The following ZNF343 variants were observed in gnomAD, a reference collection of about 807,000 sequenced individuals.
ZNF343 encodes zinc finger protein 343.
A neutral mutation model predicts 13.8 loss-of-function variants in ZNF343; 11 were observed. The ratio of observed to expected loss-of-function variants is 0.80; its 90% CI spans 0.50 to 1.32. The LOEUF (loss-of-function observed/expected upper bound fraction) is 1.32, where lower values mean the gene tolerates loss of function less well. Ranked by LOEUF, ZNF343 falls within the 40% of genes most tolerant of loss-of-function variation. The pLI is 0.00. For synonymous variants in ZNF343, 248 were observed against 260.0 expected (o/e 0.95, Z 0.44); for missense variants, 658 against 714.2 (o/e 0.92, Z 0.90).
At chr20:2,485,596 C>G (rs925139912) in intron 5 of ZNF343, among the ~76,000 whole-genome samples, 2 of 152,234 alleles carry the variant, frequency 1.3e-5, no homozygotes, top group Non-Finnish European at 1.5e-5. Flanking sequence ...CATCATGAAA[C>G]TGCTCCCTAA....
At chr20:2,522,424 C>A (rs1412976848) in intron 1 of ZNF343, among the ~76,000 whole-genome samples, 1 of 152,146 alleles carries the variant, frequency 6.6e-6, no homozygotes, top group African/African-American at 2.4e-5. Context: ...TTTGGAGTTA[C>A]CTTAGACGTG....
chr20:2,509,259 C>T (rs2085721481), upstream of ZNF343: 2 of 152,224 alleles, frequency 1.3e-5, no homozygotes, highest in African/African-American at 4.8e-5. Flanking sequence ...GTGTTGGGTA[C>T]AGAGTTTACT....
intron 5 of ZNF343, among the ~76,000 whole-genome samples, chr20:2,492,438 C>CT (rs2085380695): frequency 6.6e-6 from 1 of 152,216 alleles, no homozygotes; most frequent in African/African-American, 2.4e-5. Flanking sequence ...CCCAATACCC[C>CT]TTTATCCTGC....
chr20:2,495,016 C>A (rs903704966), intron 2 of ZNF343, among the ~76,000 whole-genome samples: 1 of 152,196 alleles, frequency 6.6e-6, no homozygotes, highest in African/African-American at 2.4e-5. Context: ...GTATTAGGAG[C>A]TATGCCACCT....
chr20:2,524,392 C>T (rs2085795605), intron 1 of ZNF343: 4 of 152,258 alleles, frequency 2.6e-5, no homozygotes, highest in Admixed American at 2.6e-4. Context: ...TGGCAGAGAA[C>T]GTGTGATTTT....
chr20:2,485,805 C>A (rs915376281), intron 5 of ZNF343, among the ~76,000 whole-genome samples: 1 of 152,170 alleles, frequency 6.6e-6, no homozygotes, highest in Admixed American at 6.5e-5. Context: ...TGCTGGACTG[C>A]CAGAGGAACA....
chr20:2,490,013 A>C (rs2085341843), intron 5 of ZNF343, among the ~76,000 whole-genome samples: 1 of 152,076 alleles, frequency 6.6e-6, no homozygotes, highest in African/African-American at 2.4e-5. Flanking sequence ...GTAAAATAAA[A>C]GAAGGAAAGA....
chr20:2,507,615 C>T (rs2085684828), intron 1 of ZNF343, among the ~76,000 whole-genome samples: 1 of 152,136 alleles, frequency 6.6e-6, no homozygotes, highest in Non-Finnish European at 1.5e-5. Context: ...AGCTGTGGAG[C>T]GCCACACGCT....
At chr20:2,488,639 C>T (rs953284968) in intron 5 of ZNF343, among the ~76,000 whole-genome samples, 2 of 151,936 alleles carry the variant, frequency 1.3e-5, no homozygotes, top group East Asian at 3.9e-4. Context: ...CCTATTTTTC[C>T]ACCTTTATTT....
At position 2,494,047 on chromosome 20, in the gene ZNF343, G is replaced by A. The variant is rs1600053377; in HGVS notation, c.-149-3C>T. 1.7e-5 allele frequency: 11 copies of A among 641,146 alleles called. No individual in the cohort carries two copies. The East Asian group carries it at 2.4e-4, about 14-fold the overall frequency. The allele number at this position is 641,146 out of a possible 1,614,324, so 39.7% of individuals were successfully genotyped here. On this transcript the variant is annotated splice_polypyrimidine_tract_variant and splice_region_variant and intron_variant, in intron 2 of 5. Coordinates refer to ENST00000278772, the MANE Select transcript of ZNF343 (RefSeq NM_024325.6). ...GCTTGTTTCCCTGCAGCCAGGACCT[G>A]TGGGATGAAGAAGCAATTTGCTATT...
rs1051743899 is a variant in ZNF343 at position 2,518,296 on chromosome 20, C to T, written c.-347+6159G>A. 4.6e-5 allele frequency among the ~76,000 whole-genome samples: 7 copies of T among 152,114 alleles called. No individual in the cohort carries two copies. Among genetic ancestry groups the T allele is most frequent in the Non-Finnish European group, 8.8e-5 (6 of 68,020 alleles). Reference sequence around the variant, plus strand: ...CCTCCCAGAGTGTTAGAATTACAGGCGTGAGCCACCGCGCCCAGCCTCAAA... The same window carrying T: ...CCTCCCAGAGTGTTAGAATTACAGGTGTGAGCCACCGCGCCCAGCCTCAAA... On this transcript the variant is annotated intron_variant, in intron 1 of 6. Coordinates refer to the ZNF343 transcript ENST00000358413. This position sits in a 1 kb window ranked among gnomAD's most constrained non-coding sequence, Gnocchi z 4.6.
At chr20:2,500,847 A>G (rs1480091874) in intron 1 of ZNF343, 105 bp from the exon 2 acceptor site, 1 of 152,306 alleles carries the variant, frequency 6.6e-6, no homozygotes, top group African/African-American at 2.4e-5. Context: ...AGATGGCCGA[A>G]TAGGAACAGC....
At position 2,483,033 on chromosome 20, in the gene ZNF343, A is replaced by G. The variant is rs1384778696; in HGVS notation, c.*128T>C. On this transcript the variant is annotated 3_prime_UTR_variant, in exon 6 of 6. Transcript: ENST00000278772. ...TCCCATGCCTGATAAGGGCTGACAC[A>G]TCTCTGGAACTTCACTCACAATCTG... is the stretch of plus-strand genomic sequence containing the variant. The G allele has an allele frequency of 4.3e-6, 5 of 1,156,580 alleles. No homozygotes were observed. The highest frequency in any genetic ancestry group is 6.0e-6 in the Non-Finnish European group (5 of 829,644). The allele number at this position is 1,156,580 out of a possible 1,614,324, so 71.6% of individuals were successfully genotyped here. A position where few individuals can be genotyped will look rare whatever the true frequency, so the allele number is the denominator to read the frequency against.
rs759330363 is a variant in ZNF343 at position 2,483,505 on chromosome 20, T to A, written c.1456A>T (p.Thr486Ser). ...ACATAATGCTTCTCCCCTGAGTGTGTCCTCTGGTGGACAAGGAGGAGTGAT... is the reference window on the plus strand; with the variant it reads ...ACATAATGCTTCTCCCCTGAGTGTGACCTCTGGTGGACAAGGAGGAGTGAT... ...RKSLLLVHQRTHSGEKHYVCR... is the reference protein window; with the variant it reads ...RKSLLLVHQRSHSGEKHYVCR... Residue 486 changes from threonine to serine, a missense_variant, in exon 6 of 6, where the codon ACA becomes TCA. Physicochemically the swap from Thr to Ser is moderately conservative, Grantham distance 58. Coordinates refer to ENST00000278772, the MANE Select transcript of ZNF343 (RefSeq NM_024325.6). 4 of 1,612,630 alleles carry A rather than the reference T, an allele frequency of 2.5e-6. No individual in the cohort carries two copies. The South Asian group carries it at 4.4e-5, about 18-fold the overall frequency.
At chr20:2,523,357 A>G (rs1197331045) in intron 1 of ZNF343, among the ~76,000 whole-genome samples, 1 of 152,196 alleles carries the variant, frequency 6.6e-6, no homozygotes, top group African/African-American at 2.4e-5. Flanking sequence ...CCGGCAGCCC[A>G]TGCCACTGCT....
Position 2,484,169 on chromosome 20 carries a change from T to C in ZNF343, c.792A>G (p.Leu264=). 6.2e-7 allele frequency: 1 copy of C among 1,614,240 alleles called. No individual in the cohort carries two copies. Among genetic ancestry groups the C allele is most frequent in the East Asian group, 2.2e-5 (1 of 44,892 alleles). Residue 264 remains leucine, a synonymous_variant, in exon 6 of 6, where the codon TTA becomes TTG. Coordinates refer to ENST00000278772, the MANE Select transcript of ZNF343 (RefSeq NM_024325.6). The stretch of plus-strand genomic sequence containing the variant: ...CACTGCAAATGTAGGGCTTCTTCCC[T>C]AAGAGGGTCCTCGGGTTTGTAATAA... ...SNFITNPRTL[L]GKKPYICSDC...
chr20:2,523,240 G>C (rs189184033), intron 1 of ZNF343, among the ~76,000 whole-genome samples: 1 of 152,198 alleles, frequency 6.6e-6, no homozygotes, highest in African/African-American at 2.4e-5. Context: ...CTAAAAAGGG[G>C]AGGAACCCTC....
intron 5 of ZNF343, among the ~76,000 whole-genome samples, chr20:2,490,497 G>A (rs145148491): frequency 5.3e-5 from 8 of 150,526 alleles, no homozygotes; most frequent in Admixed American, 3.3e-4. Flanking sequence ...TTGTGTGTGT[G>A]TTTGTTTGTT....
Position 2,483,483 on chromosome 20 carries a change from T to C in ZNF343, c.1478A>G (p.Tyr493Cys), listed in dbSNP as rs202187950. 5.6e-6 allele frequency: 9 copies of C among 1,611,736 alleles called. No individual in the cohort carries two copies. The highest frequency in any genetic ancestry group is 6.8e-6 in the Non-Finnish European group (8 of 1,179,348). The part of the protein sequence containing the change: ...HQRTHSGEKH[Y>C]VCRECRRGFS... The stretch of plus-strand genomic sequence containing the variant: ...ACCTCGCCTACACTCCCTGCAGACA[T>C]AATGCTTCTCCCCTGAGTGTGTCCT... The change falls in exon 6 of 6, where the codon TAT becomes TGT. Residue 493 changes from tyrosine (Y) to cysteine (C), a missense_variant. By Grantham distance (194) the Tyr-to-Cys change is radical. Coordinates refer to ENST00000278772, the MANE Select transcript of ZNF343 (RefSeq NM_024325.6).
Sources: gnomAD v4.1 joint callset for allele counts (sites outside exome capture counted in the v4.1 genomes callset) on GRCh38, gnomAD v4.1.1 for gene constraint, Gnocchi (gnomAD v3.1) non-coding constraint, MANE v1.5 for transcripts, NCBI Gene and HGNC (gene_info 2026-07-23, HGNC 2026-07-21) for gene names.